FGF13: variants seen among roughly 807,000 people sequenced by gnomAD.
The protein encoded by FGF13 is fibroblast growth factor 13.
Under a neutral mutation model 19.5 loss-of-function variants are expected in FGF13, and 2 were observed. The observed-to-expected ratio is 0.10, with a 90% CI of 0.04 to 0.32. The LOEUF (loss-of-function observed/expected upper bound fraction) is 0.32. Among genes scored for constraint, FGF13 ranks in the 10% least tolerant of loss-of-function variants. FGF13 has a pLI of 1.00. For missense variants in FGF13, 113 were observed against 192.7 expected (o/e 0.59, Z 2.45); for synonymous variants, 72 against 76.9 (o/e 0.94, Z 0.33).
intron 3 of FGF13, among the ~76,000 whole-genome samples, chrX:138,669,303 G>A (rs2089588388): frequency 9.0e-6 from 1 of 110,578 alleles, no homozygotes; most frequent in African/African-American, 3.3e-5. Flanking sequence ...TGGCTTTTAA[G>A]GCCCTTCACA....
intron 3 of FGF13, among the ~76,000 whole-genome samples, chrX:138,781,642 G>C (rs887041000): frequency 7.0e-4 from 78 of 111,649 alleles, no homozygotes; most frequent in Non-Finnish European, 1.3e-3. Context: ...CCAATAACAG[G>C]ATCTGAAATT....
chrX:138,853,615 G>A (rs954685232), downstream of FGF13, among the ~76,000 whole-genome samples: 16 of 78,744 alleles, frequency 2.0e-4, no homozygotes, highest in East Asian at 1.7e-3. Flanking sequence ...GTGTGTGTGC[G>A]TGTGCGTGTG....
At chrX:139,073,270 C>T (rs1028622444) in intron 1 of FGF13, among the ~76,000 whole-genome samples, 5 of 109,782 alleles carry the variant, frequency 4.6e-5, no homozygotes, top group African/African-American at 1.7e-4. Flanking sequence ...AAGAGCATAT[C>T]TTTTGAAATC....
intron 1 of FGF13, among the ~76,000 whole-genome samples, chrX:139,119,025 C>T (rs1380885834): frequency 9.1e-6 from 1 of 110,323 alleles, no homozygotes; most frequent in Non-Finnish European, 1.9e-5. Context: ...CACAAAACCC[C>T]ATCTCTACAA....
chrX:139,058,156 T>C (rs975957255), intron 1 of FGF13, among the ~76,000 whole-genome samples: 1 of 111,891 alleles, frequency 8.9e-6, no homozygotes, highest in Non-Finnish European at 1.9e-5. Context: ...AATGCTATGT[T>C]TGAACACAAA....
intron 1 of FGF13, among the ~76,000 whole-genome samples, chrX:138,883,754 TC>T (rs2091439099): frequency 9.0e-6 from 1 of 111,569 alleles, no homozygotes; most frequent in Admixed American, 9.5e-5. Context: ...ACAGAACCAC[TC>T]TGTGGGAATC....
chrX:138,649,246 CATTTGG>C (rs1569354073), intron 3 of FGF13, among the ~76,000 whole-genome samples: 1 of 111,513 alleles, frequency 9.0e-6, no homozygotes, highest in Non-Finnish European at 1.9e-5. Context: ...AGATAAAATA[CATTTGG>C]TATGTCATTA....
At chrX:138,851,756 T>C (rs2124129088) in intron 3 of FGF13, among the ~76,000 whole-genome samples, 1 of 111,863 alleles carries the variant, frequency 8.9e-6, no homozygotes, top group South Asian at 3.7e-4. Context: ...TGTATTCAAA[T>C]AGGAAGAGAG....
chrX:138,669,169 G>C (rs1006976210), intron 3 of FGF13, among the ~76,000 whole-genome samples: 1 of 110,700 alleles, frequency 9.0e-6, no homozygotes, highest in African/African-American at 3.3e-5. Context: ...AGTAGTCCAG[G>C]AGGTAGTGAA....
chrX:138,676,626 G>A (rs1036094717), intron 3 of FGF13, among the ~76,000 whole-genome samples: 4 of 111,133 alleles, frequency 3.6e-5, no homozygotes, highest in Admixed American at 1.9e-4. Flanking sequence ...TGGTGGAAGC[G>A]GTGAGGGTTT....
intron 3 of FGF13, among the ~76,000 whole-genome samples, chrX:138,835,120 C>T (rs1031879172): frequency 2.7e-5 from 3 of 111,243 alleles, no homozygotes; most frequent in Non-Finnish European, 3.8e-5. Context: ...GTGATGAGAA[C>T]GTATATTCTA....
At chrX:138,976,149 G>T (rs5931535) in intron 1 of FGF13, among the ~76,000 whole-genome samples, 2 of 110,609 alleles carry the variant, frequency 1.8e-5, no homozygotes, top group Non-Finnish European at 3.8e-5. Flanking sequence ...TGTGACCACC[G>T]GAAACAAGGC....
intron 1 of FGF13, among the ~76,000 whole-genome samples, chrX:139,098,837 C>T (rs1043955443): frequency 9.0e-6 from 1 of 111,500 alleles, no homozygotes; most frequent in African/African-American, 3.3e-5. Context: ...CAACATCATG[C>T]AATATACCCA....
chrX:138,903,496 C>G (rs1434273573), intron 1 of FGF13, among the ~76,000 whole-genome samples: 1 of 111,615 alleles, frequency 9.0e-6, no homozygotes, highest in Non-Finnish European at 1.9e-5. Context: ...TAGGCTGCAT[C>G]ATGATCACTG....
intron 3 of FGF13, among the ~76,000 whole-genome samples, chrX:138,807,755 C>T (rs1431418586): frequency 1.8e-5 from 2 of 110,768 alleles, no homozygotes; most frequent in African/African-American, 3.3e-5. Flanking sequence ...GAAGATCTAC[C>T]AATGAAATAG....
intron 1 of FGF13, among the ~76,000 whole-genome samples, chrX:138,927,994 A>G (rs1340495161): frequency 8.9e-6 from 1 of 112,240 alleles, no homozygotes; most frequent in East Asian, 2.8e-4. Flanking sequence ...CCCCTAAATT[A>G]GTAAATATTA....
chrX:138,983,414 T>TTATATATATATACA (rs2091972343), intron 1 of FGF13, among the ~76,000 whole-genome samples: 1 of 81,196 alleles, frequency 1.2e-5, no homozygotes, highest in Non-Finnish European at 2.4e-5. Flanking sequence ...TAAGTTGATC[T>TTATATATATATACA]TATATATATA....
chrX:138,885,706 C>A lies in FGF13; in HGVS notation c.-112-21056G>T, dbSNP rs1010487904. 9.3e-5 allele frequency among the ~76,000 whole-genome samples: 10 copies of A among 107,930 alleles called. No individual in the cohort carries two copies. In the Admixed American group the frequency reaches 1.0e-3, roughly 11 times the overall value. 93.7% of individuals were successfully genotyped at this position (107,930 alleles called of 115,157 possible). On this transcript the variant is annotated intron_variant, in intron 1 of 2. Transcript: ENST00000421460. Reference sequence around the variant, plus strand: ...CTCCATGAGGGCTTCTCTAACCCCCCCCGCCAATACTACCACCCATTACGG... The same window carrying A: ...CTCCATGAGGGCTTCTCTAACCCCCACCGCCAATACTACCACCCATTACGG...
intron 1 of FGF13, among the ~76,000 whole-genome samples, chrX:138,942,135 A>T (rs1291717416): frequency 8.9e-6 from 1 of 111,943 alleles, no homozygotes; most frequent in Admixed American, 9.5e-5. Context: ...TCCATGGATT[A>T]TCTCATTTGA....
Sources: allele counts gnomAD v4.1 joint callset (sites outside exome capture counted in the v4.1 genomes callset), GRCh38; gene constraint gnomAD v4.1.1; transcripts MANE v1.5; gene names NCBI Gene and HGNC (gene_info 2026-07-23, HGNC 2026-07-21).